Variants in NPAS3 observed in about 807,000 individuals in gnomAD.
NPAS3 encodes neuronal PAS domain-containing protein 3.
In NPAS3, 14 loss-of-function variants were observed where a neutral mutation model predicts 73.1. The observed-to-expected ratio is 0.19, with a 90% CI of 0.13 to 0.30. NPAS3 has a LOEUF of 0.30. NPAS3 is among the 10% of genes least tolerant of loss of function. The pLI, the probability that NPAS3 is intolerant of heterozygous loss-of-function variation, is 1.00. For synonymous variants in NPAS3, 620 were observed against 541.5 expected, an observed-to-expected ratio of 1.14 and a Z score of -2.01; for missense variants, 1,096 against 1,250.0, an observed-to-expected ratio of 0.88 and a Z score of 1.86.
intron 4 of NPAS3, among the ~76,000 whole-genome samples, chr14:33,409,912 T>C (rs564239808): frequency 6.6e-6 from 1 of 152,216 alleles, no homozygotes; most frequent in East Asian, 1.9e-4. Context: ...TGCTAAAACA[T>C]TGGAGATATT....
intron 4 of NPAS3, among the ~76,000 whole-genome samples, chr14:33,382,854 A>G (rs2046615221): frequency 6.6e-6 from 1 of 152,114 alleles, no homozygotes; most frequent in Non-Finnish European, 1.5e-5. Flanking sequence ...GAACTTTGGG[A>G]GACAGGTGGG....
intron 4 of NPAS3, among the ~76,000 whole-genome samples, chr14:33,409,294 A>C (rs1443723198): frequency 6.6e-6 from 1 of 152,156 alleles, no homozygotes; most frequent in Admixed American, 6.6e-5. Flanking sequence ...AGTGCCTATA[A>C]TGGGGATTTA....
Position 33,676,190 on chromosome 14 carries a change from ACCCTTTCTCTCGCCCT to A in NPAS3, c.559-19_559-4del. The A allele has an allele frequency of 6.2e-7, 1 of 1,612,286 alleles. No homozygotes were observed. ...AGCCTATATAATGTCTTTCCTTCCC[ACCCTTTCTCTCGCCCT>A]CTAGGTGGAGCTGACAGGCAGCAGT... is the stretch of plus-strand genomic sequence containing the variant. On this transcript the variant is annotated splice_polypyrimidine_tract_variant and splice_region_variant and intron_variant, in intron 5 of 11. Coordinates refer to ENST00000356141, the Ensembl canonical transcript of NPAS3.
intron 5 of NPAS3, among the ~76,000 whole-genome samples, chr14:33,587,985 T>C (rs923356371): frequency 1.3e-5 from 2 of 152,230 alleles, no homozygotes; most frequent in African/African-American, 4.8e-5. Context: ...ACCAGGGACA[T>C]TTTGTTGCTC....
chr14:33,424,659 A>G (rs772448980), intron 4 of NPAS3, among the ~76,000 whole-genome samples: 10 of 151,720 alleles, frequency 6.6e-5, no homozygotes, highest in Non-Finnish European at 1.3e-4. Flanking sequence ...CGATGCCCAC[A>G]TTCTCCCTTG....
intron 4 of NPAS3, among the ~76,000 whole-genome samples, chr14:33,401,904 C>T (rs559411326): frequency 5.3e-5 from 8 of 152,076 alleles, no homozygotes; most frequent in East Asian, 1.9e-4. Context: ...CCAAGGATAG[C>T]GTTAACAAGG....
chr14:33,782,823 T>TAAAAAAAAAAAAAAA (rs199704146), intron 9 of NPAS3, among the ~76,000 whole-genome samples: 14 of 148,708 alleles, frequency 9.4e-5, no homozygotes, highest in Admixed American at 2.0e-4. Context: ...TGTTTTTTTT[T>TAAAAAAAAAAAAAAA]AAAAAAAAGA....
chr14:33,749,802 C>T (rs778069153), intron 7 of NPAS3, among the ~76,000 whole-genome samples: 1 of 152,056 alleles, frequency 6.6e-6, no homozygotes, highest in Non-Finnish European at 1.5e-5. Context: ...GGAGTGAAGC[C>T]CAGAACCAAC....
intron 3 of NPAS3, among the ~76,000 whole-genome samples, chr14:33,278,345 G>A (rs9635192): frequency 0.035 from 5,324 of 152,168 alleles, 385 homozygotes; most frequent in East Asian, 0.31. Context: ...AAGGCTACGT[G>A]ATGTCACCTA....
intron 3 of NPAS3, among the ~76,000 whole-genome samples, chr14:33,325,089 G>T (rs181331295): frequency 6.6e-6 from 1 of 152,224 alleles, no homozygotes; most frequent in South Asian, 2.1e-4. Context: ...ACTATATACT[G>T]GTATGTGGAT....
chr14:33,442,622 T>A (rs944399212), intron 4 of NPAS3, among the ~76,000 whole-genome samples: 60 of 152,202 alleles, frequency 3.9e-4, no homozygotes, highest in African/African-American at 1.4e-3. Flanking sequence ...TTCACTTGGC[T>A]CTGTCTTCTC....
chr14:33,016,969 G>T (rs1209913025), intron 1 of NPAS3, among the ~76,000 whole-genome samples: 1 of 152,150 alleles, frequency 6.6e-6, no homozygotes, highest in Non-Finnish European at 1.5e-5. Flanking sequence ...CTCTGTGAAT[G>T]ATAATGGTTT....
chr14:33,572,529 T>C (rs113770128), intron 5 of NPAS3, among the ~76,000 whole-genome samples: 109 of 152,260 alleles, frequency 7.2e-4, no homozygotes, highest in African/African-American at 2.5e-3. Flanking sequence ...AGAGGTTAAA[T>C]AGCTTGCCCA....
At chr14:33,615,951 C>T (rs957550476) in intron 5 of NPAS3, among the ~76,000 whole-genome samples, 1 of 152,174 alleles carries the variant, frequency 6.6e-6, no homozygotes, top group Admixed American at 6.5e-5. Context: ...GAACATTGCT[C>T]TCAGGAGCAC....
chr14:33,433,618 C>T (rs1250250160), intron 4 of NPAS3, among the ~76,000 whole-genome samples: 1 of 152,148 alleles, frequency 6.6e-6, no homozygotes, highest in Non-Finnish European at 1.5e-5. Flanking sequence ...TCTTAGCAAG[C>T]AGCAGCCAAG....
intron 6 of NPAS3, among the ~76,000 whole-genome samples, chr14:33,712,923 CATTTAT>C (rs1437947856): frequency 6.6e-6 from 1 of 152,164 alleles, no homozygotes; most frequent in Non-Finnish European, 1.5e-5. Context: ...ACAAACCTGC[CATTTAT>C]AATGTGTCTC....
At chr14:33,436,322 G>A (rs1239893577) in intron 4 of NPAS3, among the ~76,000 whole-genome samples, 1 of 152,102 alleles carries the variant, frequency 6.6e-6, no homozygotes. Context: ...ATAGATACAT[G>A]GATTTTTAAA....
chr14:33,267,206 C>T (rs954754378), intron 3 of NPAS3, among the ~76,000 whole-genome samples: 7 of 152,166 alleles, frequency 4.6e-5, no homozygotes, highest in African/African-American at 1.7e-4. Context: ...ATATCAAGGT[C>T]AGGCTATTCT....
intron 9 of NPAS3, among the ~76,000 whole-genome samples, chr14:33,783,086 C>T (rs2063031897): frequency 6.6e-6 from 1 of 152,154 alleles, no homozygotes; most frequent in African/African-American, 2.4e-5. Context: ...CACAACCGAG[C>T]ATCAATCAAA....
Sources: allele counts gnomAD v4.1 joint callset (sites outside exome capture counted in the v4.1 genomes callset), GRCh38; gene constraint gnomAD v4.1.1; transcripts MANE v1.5; gene names NCBI Gene and HGNC (gene_info 2026-07-23, HGNC 2026-07-21).